AAMDC: variants seen among roughly 807,000 people sequenced by gnomAD.
AAMDC encodes the protein adipogenesis associated Mth938 domain containing, also known as mth938 domain-containing protein.
In AAMDC, 16 loss-of-function variants were observed where a neutral mutation model predicts 15.5. The observed-to-expected ratio is 1.03, with a 90% CI of 0.70 to 1.57. The LOEUF (loss-of-function observed/expected upper bound fraction) is 1.57, where lower values mean the gene tolerates loss of function less well. Among genes scored for constraint, AAMDC ranks in the 40% most tolerant of loss-of-function variants. AAMDC has a pLI of 0.00. For synonymous variants in AAMDC, 51 were observed against 51.6 expected (o/e 0.99, Z 0.05); for missense variants, 141 against 144.9 (o/e 0.97, Z 0.14).
At chr11:77,857,157 G>A (rs543927164) in intron 2 of AAMDC, among the ~76,000 whole-genome samples, 19 of 152,316 alleles carry the variant, frequency 1.2e-4, no homozygotes, top group Non-Finnish European at 2.5e-4. Context: ...GCTCTATAGA[G>A]TAATTAAGCA....
At chr11:77,901,395 A>G, downstream of AAMDC, 36 of 1,613,396 alleles carry the variant, frequency 2.2e-5, no homozygotes, top group Non-Finnish European at 3.1e-5. Flanking sequence ...AACATGCCAC[A>G]TATTTTGGCC....
At chr11:77,850,862 C>T (rs1164366000) in intron 2 of AAMDC, 2 of 151,672 alleles carry the variant, frequency 1.3e-5, no homozygotes, top group Non-Finnish European at 2.9e-5. Context: ...TACGACATTT[C>T]AGTATTTCTC....
At chr11:77,829,346 T>C (rs1318523465) in intron 1 of AAMDC, among the ~76,000 whole-genome samples, 2 of 152,190 alleles carry the variant, frequency 1.3e-5, no homozygotes, top group Admixed American at 6.5e-5. Context: ...GAAAAATAAA[T>C]TTTTGTTGTT....
At chr11:77,833,800 T>A (rs566409268) in intron 1 of AAMDC, among the ~76,000 whole-genome samples, 1 of 152,374 alleles carries the variant, frequency 6.6e-6, no homozygotes, top group South Asian at 2.1e-4. Context: ...TTAATACTTA[T>A]CTATCATTCC....
intron 1 of AAMDC, among the ~76,000 whole-genome samples, chr11:77,824,021 C>G (rs947385300): frequency 6.6e-6 from 1 of 152,106 alleles, no homozygotes; most frequent in South Asian, 2.1e-4. Flanking sequence ...CTTTTCTAAT[C>G]TAGATCGGCA....
downstream of AAMDC, among the ~76,000 whole-genome samples, chr11:77,874,372 C>CTT (rs560821678): frequency 7.7e-4 from 103 of 134,566 alleles, no homozygotes; most frequent in African/African-American, 2.5e-3. Flanking sequence ...GTGATGCAGT[C>CTT]TTTTTTTTTT....
chr11:77,845,357 C>A (rs1482342227), intron 2 of AAMDC, among the ~76,000 whole-genome samples: 1 of 152,006 alleles, frequency 6.6e-6, no homozygotes, highest in East Asian at 1.9e-4. Context: ...TGATTCTTAT[C>A]TGCTGTTGAG....
chr11:77,823,621 CAAAAAAAAAA>C (rs397970373), intron 1 of AAMDC, among the ~76,000 whole-genome samples: 45 of 97,646 alleles, frequency 4.6e-4, no homozygotes, highest in African/African-American at 1.8e-3. Flanking sequence ...CACCCTGTCT[CAAAAAAAAAA>C]AAAAAAAAAA....
intron 1 of AAMDC, among the ~76,000 whole-genome samples, chr11:77,833,415 CAT>C (rs2008274884): frequency 6.6e-6 from 1 of 152,166 alleles, no homozygotes; most frequent in African/African-American, 2.4e-5. Context: ...AAATCCCTCA[CAT>C]GTGCAGTTCA....
rs919767413 is a variant in AAMDC, at chr11:77,841,003, A to T, written c.-18-1476A>T. 9.7e-6 allele frequency: 5 copies of T among 516,964 alleles called. No homozygotes were observed. In the South Asian group the frequency reaches 1.1e-4, roughly 11 times the overall value. The allele number at this position is 516,964 out of a possible 1,614,324, so 32.0% of individuals were successfully genotyped here. On this transcript the variant is annotated intron_variant, in intron 1 of 3. Transcript: ENST00000393427. ...TAATTTAAAATTTATAATGAAAATA[A>T]TTTTTTTTCTCACAGTTCTGGAGGC...
intron 1 of AAMDC, among the ~76,000 whole-genome samples, chr11:77,831,729 T>C (rs1483326442): frequency 6.7e-6 from 1 of 148,506 alleles, no homozygotes; most frequent in Non-Finnish European, 1.5e-5. Context: ...AGGGTCTCAC[T>C]CTGTCACCCA....
At chr11:77,897,848 GC>G (rs1180856562) in intron 5 of AAMDC, among the ~76,000 whole-genome samples, 1 of 151,790 alleles carries the variant, frequency 6.6e-6, no homozygotes, top group Non-Finnish European at 1.5e-5. Context: ...TTGTTCTGTT[GC>G]CCAAGTTGGA....
At chr11:77,881,708 C>T (rs1178406740) in intron 5 of AAMDC, among the ~76,000 whole-genome samples, 1 of 152,186 alleles carries the variant, frequency 6.6e-6, no homozygotes, top group African/African-American at 2.4e-5. Flanking sequence ...GCTACTAAAA[C>T]AATGGAGATA....
rs531215500 is a variant in AAMDC, at chr11:77,897,364, A to T, written c.329-3207A>T. On this transcript the variant is annotated intron_variant, in intron 5 of 5. Coordinates refer to the AAMDC transcript ENST00000304716. ...AAAATAAAAAATATTTTATAAAAAA[A>T]TTAAAAATAAAAATAAAGAAGGATA... is the stretch of plus-strand genomic sequence containing the variant. 1.7e-3 allele frequency among the ~76,000 whole-genome samples: 258 copies of T among 151,556 alleles called. 1 individual carries two copies. In the South Asian group the frequency reaches 0.025, roughly 15 times the overall value.
chr11:77,901,339 T>C (rs1952771157), downstream of AAMDC: 19 of 1,398,358 alleles, frequency 1.4e-5, 1 homozygote, highest in Non-Finnish European at 1.9e-5. Flanking sequence ...CACTTATCAT[T>C]AACTTTCGTG....
intron 2 of AAMDC, among the ~76,000 whole-genome samples, chr11:77,865,965 A>G (rs1463108732): frequency 6.6e-6 from 1 of 152,200 alleles, no homozygotes; most frequent in Non-Finnish European, 1.5e-5. Context: ...TAATTCAGAC[A>G]AGCAATAATG....
At chr11:77,831,413 T>C (rs1949419762) in intron 1 of AAMDC, among the ~76,000 whole-genome samples, 3 of 152,228 alleles carry the variant, frequency 2.0e-5, no homozygotes, top group South Asian at 2.1e-4. Context: ...CAAGCATTGT[T>C]TCTAATGTCA....
chr11:77,864,303 G>A (rs945133029), intron 2 of AAMDC, among the ~76,000 whole-genome samples: 1 of 151,900 alleles, frequency 6.6e-6, no homozygotes, highest in East Asian at 2.0e-4. Flanking sequence ...AATTAGCCAG[G>A]CATGGTGGCA....
downstream of AAMDC, among the ~76,000 whole-genome samples, chr11:77,873,994 C>T (rs1377336386): frequency 6.6e-6 from 1 of 152,174 alleles, no homozygotes; most frequent in Non-Finnish European, 1.5e-5. Context: ...CCTACAGGGA[C>T]CAATCTATAG....
Sources: gnomAD v4.1 joint callset for allele counts (sites outside exome capture counted in the v4.1 genomes callset) on GRCh38, gnomAD v4.1.1 for gene constraint, MANE v1.5 for transcripts, NCBI Gene and HGNC (gene_info 2026-07-23, HGNC 2026-07-21) for gene names.